The following PTPRM variants were observed in gnomAD, a reference collection of about 807,000 sequenced individuals.
PTPRM encodes protein tyrosine phosphatase receptor type M, also known as receptor-type tyrosine-protein phosphatase mu.
A neutral mutation model predicts 186.7 loss-of-function variants in PTPRM; 47 were observed. That is an observed-to-expected ratio of 0.25 (90% CI 0.20 to 0.32). PTPRM has a LOEUF of 0.32. PTPRM is among the 10% of genes least tolerant of loss of function. PTPRM has a pLI of 1.00. For missense variants in PTPRM, 1,494 were observed against 1,865.0 expected, an observed-to-expected ratio of 0.80 and a Z score of 3.66; for synonymous variants, 668 against 674.9, an observed-to-expected ratio of 0.99 and a Z score of 0.16.
intron 14 of PTPRM, among the ~76,000 whole-genome samples, chr18:8,150,627 A>C (rs555555145): frequency 2.7e-4 from 41 of 152,218 alleles, no homozygotes; most frequent in African/African-American, 9.9e-4. Flanking sequence ...GTTATTACCG[A>C]CCTTGTGAAG....
At chr18:7,745,292 T>C (rs1244270515) in intron 1 of PTPRM, among the ~76,000 whole-genome samples, 3 of 152,310 alleles carry the variant, frequency 2.0e-5, no homozygotes, top group East Asian at 3.9e-4. Context: ...TTTGAAGTCA[T>C]GAGAGGACTT....
rs147471829 is a variant in PTPRM, at chr18:7,703,474, G to A, written c.74-70675G>A. On this transcript the variant is annotated intron_variant, in intron 1 of 32. Coordinates refer to ENST00000580170, the MANE Select transcript of PTPRM (RefSeq NM_001105244.2). Reference sequence around the variant, plus strand: ...TCACTCATGGTTTGCCTCTCTGTTGGTCTATTATTGGTGTATAGAAATGCT... The same window carrying A: ...TCACTCATGGTTTGCCTCTCTGTTGATCTATTATTGGTGTATAGAAATGCT... Among the ~76,000 whole-genome samples, 5 of 152,218 alleles carry A rather than the reference G, an allele frequency of 3.3e-5. No individual in the cohort carries two copies. The East Asian group carries it at 9.6e-4, about 29-fold the overall frequency.
At chr18:8,085,098 G>A (rs1189294890) in intron 9 of PTPRM, among the ~76,000 whole-genome samples, 1 of 151,942 alleles carries the variant, frequency 6.6e-6, no homozygotes, top group Non-Finnish European at 1.5e-5. Flanking sequence ...AAGTTCTATT[G>A]GAAGACATTG....
chr18:7,879,268 C>G (rs1425721843), intron 2 of PTPRM, among the ~76,000 whole-genome samples: 1 of 152,158 alleles, frequency 6.6e-6, no homozygotes, highest in African/African-American at 2.4e-5. Flanking sequence ...TCACAAGTCC[C>G]TTTTAAGATT....
intron 19 of PTPRM, among the ~76,000 whole-genome samples, chr18:8,272,329 TCTA>T (rs2094783009): frequency 6.6e-6 from 1 of 152,068 alleles, no homozygotes; most frequent in Non-Finnish European, 1.5e-5. Flanking sequence ...TTAATTTCCT[TCTA>T]CTTTCTTTGA....
intron 15 of PTPRM, among the ~76,000 whole-genome samples, chr18:8,246,684 C>T (rs886356458): frequency 3.9e-5 from 6 of 152,070 alleles, no homozygotes; most frequent in Non-Finnish European, 8.8e-5. Flanking sequence ...TTCCAGGCTT[C>T]TTACCATAAA....
intron 1 of PTPRM, among the ~76,000 whole-genome samples, chr18:7,647,995 G>C (rs2038605085): frequency 6.6e-6 from 1 of 152,114 alleles, no homozygotes; most frequent in South Asian, 2.1e-4. Flanking sequence ...ACAAATTGAA[G>C]GTTTGTGGCA....
intron 1 of PTPRM, among the ~76,000 whole-genome samples, chr18:7,697,425 TATTA>T (rs1259384381): frequency 1.3e-5 from 2 of 152,168 alleles, no homozygotes; most frequent in African/African-American, 4.8e-5. Flanking sequence ...AGATATCAGA[TATTA>T]ATTGAGGACC....
intron 1 of PTPRM, chr18:7,751,245 A>T (rs2041202378): frequency 6.6e-6 from 1 of 152,298 alleles, no homozygotes. Context: ...GGTGAAACTG[A>T]CATTTCTGCC....
At position 7,888,138 on chromosome 18, in the gene PTPRM, C is replaced by A. The variant is rs2048879449; in HGVS notation, c.229C>A (p.Pro77Thr). ...SFMLVNASGR[P>T]EGQRAHLLLP... ...CATGCTGGTGAATGCCTCTGGGAGA[C>A]CTGAGGGGCAGAGAGCCCACCTGCT... Residue 77 changes from proline (P) to threonine (T), a missense_variant, in exon 3 of 33, where the codon CCT (proline) becomes ACT (threonine). Transcript: ENST00000580170. The A allele has an allele frequency of 6.2e-7, 1 of 1,613,924 alleles. No homozygotes were observed. Among genetic ancestry groups the A allele is most frequent in the Non-Finnish European group, 8.5e-7 (1 of 1,180,008 alleles).
chr18:7,633,256 A>G (rs2038233924), intron 1 of PTPRM, among the ~76,000 whole-genome samples: 3 of 152,148 alleles, frequency 2.0e-5, no homozygotes, highest in Admixed American at 2.0e-4. Context: ...TGGTAAATTC[A>G]AAGGGGTTCA....
intron 7 of PTPRM, among the ~76,000 whole-genome samples, chr18:7,979,655 A>G (rs896611474): frequency 6.6e-6 from 1 of 152,170 alleles, no homozygotes; most frequent in Non-Finnish European, 1.5e-5. Flanking sequence ...TTTTAATATA[A>G]TAGAAGAAAT....
intron 17 of PTPRM, among the ~76,000 whole-genome samples, chr18:8,251,077 A>G (rs988373904): frequency 5.3e-5 from 8 of 152,194 alleles, no homozygotes; most frequent in Non-Finnish European, 8.8e-5. Context: ...GTTCCACACT[A>G]GTAATGAGGG....
At chr18:8,022,292 C>G (rs1393335483) in intron 7 of PTPRM, among the ~76,000 whole-genome samples, 2 of 152,196 alleles carry the variant, frequency 1.3e-5, no homozygotes, top group African/African-American at 4.8e-5. Context: ...ACACCTGAAG[C>G]CATCATATGG....
chr18:7,614,575 G>A (rs1441246485), intron 1 of PTPRM, among the ~76,000 whole-genome samples: 2 of 152,170 alleles, frequency 1.3e-5, no homozygotes, highest in East Asian at 1.9e-4. Flanking sequence ...GAGAAAATTG[G>A]ATCACTTATA....
intron 20 of PTPRM, among the ~76,000 whole-genome samples, chr18:8,303,014 A>G (rs1300898507): frequency 6.6e-6 from 1 of 152,270 alleles, no homozygotes; most frequent in Non-Finnish European, 1.5e-5. Flanking sequence ...ATTATAAATC[A>G]GTGACCCATT....
chr18:8,190,898 G>T (rs528414767), intron 14 of PTPRM, among the ~76,000 whole-genome samples: 1 of 152,328 alleles, frequency 6.6e-6, no homozygotes, highest in South Asian at 2.1e-4. Context: ...AAAATTGTGT[G>T]TTGGGGAGGA....
At chr18:7,944,728 C>T (rs2052403503) in intron 5 of PTPRM, among the ~76,000 whole-genome samples, 1 of 152,122 alleles carries the variant, frequency 6.6e-6, no homozygotes, top group Admixed American at 6.5e-5. Context: ...CCCTATAGTT[C>T]TGTGCTCTCT....
At chr18:8,311,629 A>G (rs1016097653) in intron 20 of PTPRM, among the ~76,000 whole-genome samples, 3 of 152,248 alleles carry the variant, frequency 2.0e-5, no homozygotes, top group Admixed American at 6.5e-5. Context: ...TACCATGTAT[A>G]TAAAGGCAAA....
Sources: gnomAD v4.1 joint callset for allele counts (sites outside exome capture counted in the v4.1 genomes callset) on GRCh38, gnomAD v4.1.1 for gene constraint, MANE v1.5 for transcripts, NCBI Gene and HGNC (gene_info 2026-07-23, HGNC 2026-07-21) for gene names.